XYLT1: variants seen among roughly 807,000 people sequenced by gnomAD.
The protein encoded by XYLT1 is beta-D-xylosyltransferase 1.
Under a neutral mutation model 91.3 loss-of-function variants are expected in XYLT1, and 36 were observed. The ratio of observed to expected loss-of-function variants is 0.39; its 90% CI spans 0.30 to 0.52. The LOEUF (loss-of-function observed/expected upper bound fraction) is 0.52. Among genes scored for constraint, XYLT1 ranks in the 20% least tolerant of loss-of-function variants. XYLT1 has a pLI of 0.68. For missense variants in XYLT1, 1,242 were observed against 1,284.5 expected, an observed-to-expected ratio of 0.97 and a Z score of 0.51; for synonymous variants, 588 against 532.0, an observed-to-expected ratio of 1.11 and a Z score of -1.45.
At chr16:17,441,217 G>C (rs917132097) in intron 1 of XYLT1, among the ~76,000 whole-genome samples, 20 of 151,762 alleles carry the variant, frequency 1.3e-4, no homozygotes, top group Admixed American at 1.2e-3. Flanking sequence ...TGGGACGACA[G>C]GAAAAATTAT....
At chr16:17,195,709 G>C (rs570166692) in intron 5 of XYLT1, among the ~76,000 whole-genome samples, 1 of 152,206 alleles carries the variant, frequency 6.6e-6, no homozygotes, top group South Asian at 2.1e-4. Context: ...CTCTCAAAGT[G>C]CTGGGATTAC....
chr16:17,410,433 G>A (rs148344822), intron 1 of XYLT1, among the ~76,000 whole-genome samples: 2 of 152,284 alleles, frequency 1.3e-5, no homozygotes, highest in East Asian at 3.9e-4. Flanking sequence ...GCAGACAAGG[G>A]AAGAGAGAGC....
intron 1 of XYLT1, among the ~76,000 whole-genome samples, chr16:17,435,453 GT>G (rs1235200746): frequency 6.6e-6 from 1 of 152,142 alleles, no homozygotes; most frequent in Non-Finnish European, 1.5e-5. Context: ...ACACAAGCAA[GT>G]TTTTAAAAAA....
intron 6 of XYLT1, among the ~76,000 whole-genome samples, chr16:17,142,578 C>T (rs887609167): frequency 2.0e-5 from 3 of 149,440 alleles, no homozygotes; most frequent in African/African-American, 4.9e-5. Context: ...GGATTACAGG[C>T]ACACACCACC....
intron 3 of XYLT1, among the ~76,000 whole-genome samples, chr16:17,240,721 T>A (rs2033332862): frequency 6.6e-6 from 1 of 152,184 alleles, no homozygotes; most frequent in Non-Finnish European, 1.5e-5. Flanking sequence ...AGGATAGTAA[T>A]AAGATAATTA....
chr16:17,470,564 CG>C lies in XYLT1; in HGVS notation c.232del (p.Arg78GlufsTer116). On this transcript the variant is annotated frameshift_variant, in exon 1 of 12. Transcript: ENST00000261381. LOFTEE classifies it high-confidence loss of function. ...RDLPAEPAAA[R>X]GGGGGGGGGG... Reference sequence around the variant, plus strand: ...TCCGCCGCCGCCTCCTCCTCCTCCTCGGGCTGCAGCCGGCTCGGCGGGCAGG... The same window carrying C: ...TCCGCCGCCGCCTCCTCCTCCTCCTCGGCTGCAGCCGGCTCGGCGGGCAGG... 8.3e-7 allele frequency: 1 copy of C among 1,209,586 alleles called. No individual in the cohort carries two copies. The highest frequency in any genetic ancestry group is 1.0e-6 in the Non-Finnish European group (1 of 974,360). 74.9% of individuals were successfully genotyped at this position (1,209,586 alleles called of 1,614,324 possible).
chr16:17,138,190 C>G, intron 8 of XYLT1, 165 bp downstream of exon 8: 1 of 742,818 alleles, frequency 1.3e-6, no homozygotes, highest in Non-Finnish European at 2.1e-6. Flanking sequence ...AGTAAGTGCT[C>G]AATAAACACT....
intron 9 of XYLT1, among the ~76,000 whole-genome samples, chr16:17,134,198 T>C (rs991027078): frequency 2.6e-5 from 4 of 152,208 alleles, no homozygotes; most frequent in African/African-American, 9.7e-5. Context: ...GACAAAAAGC[T>C]TCCTTCTAAA....
chr16:17,309,861 T>C (rs564881323), intron 2 of XYLT1, among the ~76,000 whole-genome samples: 1 of 152,314 alleles, frequency 6.6e-6, no homozygotes, highest in Admixed American at 6.5e-5. Context: ...GCTTGTGAAC[T>C]TAACCTTTTG....
At chr16:17,419,176 G>A (rs2141919669) in intron 1 of XYLT1, among the ~76,000 whole-genome samples, 1 of 151,368 alleles carries the variant, frequency 6.6e-6, no homozygotes, top group Middle Eastern at 3.4e-3. Context: ...AGTATGGAAT[G>A]ACCTTGGCTA....
chr16:17,348,436 C>G (rs2035176082), intron 2 of XYLT1, among the ~76,000 whole-genome samples: 1 of 152,104 alleles, frequency 6.6e-6, no homozygotes, highest in African/African-American at 2.4e-5. Context: ...GCCAGCACTG[C>G]AGAAGAGGGA....
intron 9 of XYLT1, among the ~76,000 whole-genome samples, chr16:17,129,650 T>TTTGCTAGTGGG (rs2030396866): frequency 3.9e-5 from 6 of 152,312 alleles, no homozygotes; most frequent in African/African-American, 1.4e-4. Context: ...TTTGTGAGAC[T>TTTGCTAGTGGG]TTGGGAAAGC....
intron 1 of XYLT1, among the ~76,000 whole-genome samples, chr16:17,413,950 C>T (rs140119511): frequency 0.016 from 2,368 of 152,236 alleles, 61 homozygotes; most frequent in African/African-American, 0.053. Flanking sequence ...AGGTAGCAGG[C>T]AGCTAGAGAC....
intron 2 of XYLT1, among the ~76,000 whole-genome samples, chr16:17,307,815 G>C (rs1034292301): frequency 6.6e-6 from 1 of 152,188 alleles, no homozygotes; most frequent in Non-Finnish European, 1.5e-5. Context: ...ATTGCTCATG[G>C]AGAGAAAACC....
At chr16:17,300,474 T>TTTTTTTTTA (rs869088672) in intron 2 of XYLT1, among the ~76,000 whole-genome samples, 1 of 122,044 alleles carries the variant, frequency 8.2e-6, no homozygotes. Context: ...TTTTTTTTTT[T>TTTTTTTTTA]GAGATGGAGT....
At chr16:17,315,004 G>A (rs985036752) in intron 2 of XYLT1, among the ~76,000 whole-genome samples, 5 of 152,174 alleles carry the variant, frequency 3.3e-5, no homozygotes, top group Non-Finnish European at 5.9e-5. Flanking sequence ...GAGGCATGAG[G>A]AGCCACGTGG....
At chr16:17,305,524 T>C (rs2034458559) in intron 2 of XYLT1, among the ~76,000 whole-genome samples, 2 of 151,738 alleles carry the variant, frequency 1.3e-5, no homozygotes, top group African/African-American at 4.8e-5. Context: ...CAAGCGATTC[T>C]TCTGCCTCAG....
chr16:17,424,790 C>T (rs1269245209), intron 1 of XYLT1, among the ~76,000 whole-genome samples: 1 of 150,490 alleles, frequency 6.6e-6, no homozygotes, highest in African/African-American at 2.5e-5. Flanking sequence ...ATTGCTTGAA[C>T]CCGGGAGGCA....
chr16:17,316,293 G>A (rs773395835), intron 2 of XYLT1, among the ~76,000 whole-genome samples: 115 of 152,138 alleles, frequency 7.6e-4, no homozygotes, highest in Non-Finnish European at 4.0e-4. Context: ...ACAGAGTTTC[G>A]CCCAACAGTG....
Sources: gnomAD v4.1 joint callset for allele counts (sites outside exome capture counted in the v4.1 genomes callset) on GRCh38, gnomAD v4.1.1 for gene constraint, MANE v1.5 for transcripts, NCBI Gene and HGNC (gene_info 2026-07-23, HGNC 2026-07-21) for gene names.